Variants in SLC44A5 observed in about 807,000 individuals in gnomAD.
SLC44A5 encodes choline transporter-like protein 5.
SLC44A5 carries 57 observed loss-of-function variants against 101.8 expected under a neutral mutation model. The observed-to-expected ratio is 0.56, with a 90% CI of 0.45 to 0.70. The LOEUF is 0.70. Ranked by LOEUF, SLC44A5 falls within the 30% of genes least tolerant of loss-of-function variation. SLC44A5 has a pLI of 0.00. For missense variants in SLC44A5, 737 were observed against 853.1 expected, an observed-to-expected ratio of 0.86 and a Z score of 1.70; for synonymous variants, 281 against 290.9, an observed-to-expected ratio of 0.97 and a Z score of 0.35.
intron 1 of SLC44A5, among the ~76,000 whole-genome samples, chr1:75,601,589 C>T (rs1674987402): frequency 6.6e-6 from 1 of 152,058 alleles, no homozygotes; most frequent in African/African-American, 2.4e-5. Flanking sequence ...TTTCTCAATG[C>T]CAGCCAATAT....
intron 5 of SLC44A5, among the ~76,000 whole-genome samples, chr1:75,288,494 G>A (rs1345847984): frequency 6.6e-6 from 1 of 152,062 alleles, no homozygotes; most frequent in African/African-American, 2.4e-5. Flanking sequence ...AATGATATAG[G>A]CACACATAAA....
intron 2 of SLC44A5, among the ~76,000 whole-genome samples, chr1:75,436,256 T>C (rs1276879057): frequency 6.6e-6 from 1 of 152,122 alleles, no homozygotes; most frequent in African/African-American, 2.4e-5. Context: ...ATTATCACGA[T>C]GAATTTAAGT....
intron 2 of SLC44A5, among the ~76,000 whole-genome samples, chr1:75,407,489 C>T (rs1396662652): frequency 6.6e-6 from 1 of 152,172 alleles, no homozygotes; most frequent in African/African-American, 2.4e-5. Flanking sequence ...ACCAAAACAG[C>T]ATGGTACTGG....
At chr1:75,681,664 A>C in the SLC44A5 span, among the ~76,000 whole-genome samples, 3 of 149,598 alleles carry the variant, frequency 2.0e-5, no homozygotes, top group Non-Finnish European at 4.5e-5. Flanking sequence ...CTGAATGGGC[A>C]AAAACTGGAA....
At chr1:75,615,413 TCTTA>T (rs1394711477), upstream of SLC44A5, among the ~76,000 whole-genome samples, 43 of 69,818 alleles carry the variant, frequency 6.2e-4, no homozygotes, top group East Asian at 0.049. Context: ...TCTCTCTCTC[TCTTA>T]CACACACACA....
At chr1:75,373,746 C>A (rs947322081) in intron 3 of SLC44A5, among the ~76,000 whole-genome samples, 2 of 152,166 alleles carry the variant, frequency 1.3e-5, no homozygotes, top group Admixed American at 6.5e-5. Flanking sequence ...AGCACAGCCT[C>A]TACTGCCCCA....
At chr1:75,705,913 A>AGGCCTT in the SLC44A5 span, among the ~76,000 whole-genome samples, 1 of 152,188 alleles carries the variant, frequency 6.6e-6, no homozygotes, top group African/African-American at 2.4e-5. Context: ...TCTGGCCTCA[A>AGGCCTT]GTAATCCTCC....
chr1:75,507,768 T>C (rs1245947817), intron 2 of SLC44A5, among the ~76,000 whole-genome samples: 1 of 152,194 alleles, frequency 6.6e-6, no homozygotes, highest in African/African-American at 2.4e-5. Flanking sequence ...TTTGTCCTGA[T>C]TCAATCTTGA....
intron 3 of SLC44A5, among the ~76,000 whole-genome samples, chr1:75,373,985 G>A (rs1412610111): frequency 1.3e-5 from 2 of 152,180 alleles, no homozygotes; most frequent in African/African-American, 2.4e-5. Context: ...GTGGTGGCAT[G>A]GGAGCTGGTC....
chr1:75,221,960 C>CTTT (rs1386952425), intron 14 of SLC44A5, among the ~76,000 whole-genome samples: 6 of 97,184 alleles, frequency 6.2e-5, no homozygotes, highest in Non-Finnish European at 7.6e-5. Context: ...TCTTCTTCTT[C>CTTT]TTTTTTTTTT....
At chr1:75,694,094 G>A in the SLC44A5 span, among the ~76,000 whole-genome samples, 8 of 151,248 alleles carry the variant, frequency 5.3e-5, no homozygotes, top group Non-Finnish European at 7.4e-5. Flanking sequence ...TTTATAAACA[G>A]ATGGAAATGA....
chr1:75,708,943 CACTGTGGCAATTTTGCTA>C, the SLC44A5 span, among the ~76,000 whole-genome samples: 1 of 152,048 alleles, frequency 6.6e-6, no homozygotes, highest in Non-Finnish European at 1.5e-5. Flanking sequence ...AGTTTAAACC[CACTGTGGCAATTTTGCTA>C]TCTTTCCTGT....
At chr1:75,241,885 T>C (rs894062969) in intron 9 of SLC44A5, 116 bp downstream of exon 9, 11 of 806,596 alleles carry the variant, frequency 1.4e-5, no homozygotes, top group Admixed American at 1.1e-4. Context: ...TCTGGGACTT[T>C]AGGCAGTCAG....
chr1:75,229,629 G>T (rs1039663664), intron 12 of SLC44A5, among the ~76,000 whole-genome samples: 9 of 152,088 alleles, frequency 5.9e-5, no homozygotes, highest in African/African-American at 2.2e-4. Flanking sequence ...GCCCTACCAT[G>T]GCATTCTCAA....
At chr1:75,435,669 C>T (rs945581996) in intron 2 of SLC44A5, among the ~76,000 whole-genome samples, 2 of 152,164 alleles carry the variant, frequency 1.3e-5, no homozygotes, top group Non-Finnish European at 2.9e-5. Flanking sequence ...AGCAAACTCA[C>T]ACATGATGTC....
At chr1:75,315,663 C>A (rs1445121299) in intron 4 of SLC44A5, among the ~76,000 whole-genome samples, 2 of 152,100 alleles carry the variant, frequency 1.3e-5, no homozygotes, top group Admixed American at 1.3e-4. Flanking sequence ...AAAGTAATCT[C>A]ATCTATACCA....
At chr1:75,281,316 C>G (rs2100778644) in intron 5 of SLC44A5, among the ~76,000 whole-genome samples, 1 of 152,178 alleles carries the variant, frequency 6.6e-6, no homozygotes, top group East Asian at 1.9e-4. Context: ...CCCTAGAGAT[C>G]TGTGGAACTT....
chr1:75,407,078 G>A (rs1000800838), intron 2 of SLC44A5, among the ~76,000 whole-genome samples: 7 of 152,012 alleles, frequency 4.6e-5, no homozygotes, highest in Non-Finnish European at 8.8e-5. Context: ...GACAAACAGA[G>A]AGCCCAATCG....
chr1:75,712,565 C>T, the SLC44A5 span, among the ~76,000 whole-genome samples: 1 of 151,906 alleles, frequency 6.6e-6, no homozygotes, highest in Non-Finnish European at 1.5e-5. Flanking sequence ...CTGACAAAGC[C>T]TTAAGTAACA....
Sources: gnomAD v4.1 joint callset for allele counts (sites outside exome capture counted in the v4.1 genomes callset) on GRCh38, gnomAD v4.1.1 for gene constraint, MANE v1.5 for transcripts, NCBI Gene and HGNC (gene_info 2026-07-23, HGNC 2026-07-21) for gene names.